The following MED13L variants were observed in gnomAD, a reference collection of about 807,000 sequenced individuals.
MED13L encodes the protein mediator complex subunit 13L.
Under a neutral mutation model 220.9 loss-of-function variants are expected in MED13L, and 7 were observed. The ratio of observed to expected loss-of-function variants is 0.03; its 90% CI spans 0.02 to 0.06. MED13L has a LOEUF of 0.06. MED13L is among the 10% of genes least tolerant of loss of function. The probability of loss-of-function intolerance (pLI) is 1.00; values close to 1 mark genes in which losing one functional copy is unlikely to be tolerated. For synonymous variants in MED13L, 1,011 were observed against 1,015.2 expected, an observed-to-expected ratio of 1.00 and a Z score of 0.08; for missense variants, 1,965 against 2,760.5, an observed-to-expected ratio of 0.71 and a Z score of 6.46.
intron 4 of MED13L, among the ~76,000 whole-genome samples, chr12:116,077,270 T>C (rs1048225317): frequency 7.9e-5 from 12 of 152,240 alleles, no homozygotes; most frequent in African/African-American, 2.7e-4. Flanking sequence ...TTCATAATAA[T>C]ACTGAGTTCC....
chr12:116,207,189 T>A (rs1157236142), intron 2 of MED13L, among the ~76,000 whole-genome samples: 1 of 151,716 alleles, frequency 6.6e-6, no homozygotes, highest in African/African-American at 2.4e-5. Flanking sequence ...TTTACAGAGA[T>A]GGGGTCTCCC....
chr12:116,171,351 T>C (rs1032020263), intron 2 of MED13L, among the ~76,000 whole-genome samples: 2 of 152,204 alleles, frequency 1.3e-5, no homozygotes, highest in African/African-American at 4.8e-5. Context: ...AGGCAATGGA[T>C]TTATGCAGCC....
chr12:116,213,887 C>T (rs1001452170), intron 2 of MED13L, among the ~76,000 whole-genome samples: 6 of 152,162 alleles, frequency 3.9e-5, no homozygotes, highest in Non-Finnish European at 8.8e-5. Flanking sequence ...CTGAGAAATG[C>T]TTTCTGAAAT....
chr12:116,148,304 T>C (rs1877726047), intron 2 of MED13L, among the ~76,000 whole-genome samples: 2 of 151,826 alleles, frequency 1.3e-5, no homozygotes, highest in Non-Finnish European at 2.9e-5. Context: ...AAAGCCAATA[T>C]TAAATACATT....
intron 2 of MED13L, among the ~76,000 whole-genome samples, chr12:116,228,069 C>T (rs1034702987): frequency 6.6e-6 from 1 of 152,128 alleles, no homozygotes; most frequent in Non-Finnish European, 1.5e-5. Context: ...AGCCACCATA[C>T]TCCCTTAAGT....
At chr12:116,133,369 G>C (rs1358835530) in intron 2 of MED13L, among the ~76,000 whole-genome samples, 3 of 152,102 alleles carry the variant, frequency 2.0e-5, no homozygotes, top group Admixed American at 6.5e-5. Flanking sequence ...ATGTTAAGAG[G>C]AGCAACAGGA....
intron 2 of MED13L, among the ~76,000 whole-genome samples, chr12:116,126,428 C>G (rs779781560): frequency 4.6e-5 from 7 of 152,142 alleles, no homozygotes; most frequent in Non-Finnish European, 1.0e-4. Context: ...GTGGTTTCTT[C>G]CTGTGGTCCT....
At chr12:116,210,257 G>A (rs1882604923) in intron 2 of MED13L, among the ~76,000 whole-genome samples, 1 of 152,072 alleles carries the variant, frequency 6.6e-6, no homozygotes, top group Admixed American at 6.6e-5. Flanking sequence ...ATCATTGCAG[G>A]ACGGAGTATC....
intron 4 of MED13L, among the ~76,000 whole-genome samples, chr12:116,037,885 T>A (rs1252663542): frequency 6.6e-6 from 1 of 152,158 alleles, no homozygotes. Context: ...TAATATAATT[T>A]TCAAGATGCC....
At chr12:116,238,077 A>C (rs1222620760) in intron 1 of MED13L, among the ~76,000 whole-genome samples, 1 of 152,250 alleles carries the variant, frequency 6.6e-6, no homozygotes, top group Admixed American at 6.5e-5. Context: ...TAAGATTTTA[A>C]AAATAAGTTT....
chr12:116,054,180 AT>A (rs1868746476), intron 4 of MED13L, among the ~76,000 whole-genome samples: 1 of 151,428 alleles, frequency 6.6e-6, no homozygotes, highest in African/African-American at 2.4e-5. Context: ...ACTTAGAGTA[AT>A]TTAACAACTA....
intron 4 of MED13L, among the ~76,000 whole-genome samples, chr12:116,058,435 G>C (rs921903146): frequency 6.6e-6 from 1 of 152,106 alleles, no homozygotes; most frequent in African/African-American, 2.4e-5. Context: ...TGATGAGTCT[G>C]TATACATACA....
chr12:116,028,777 G>A (rs1041619474), intron 4 of MED13L, among the ~76,000 whole-genome samples: 6 of 152,070 alleles, frequency 3.9e-5, no homozygotes, highest in African/African-American at 1.2e-4. Flanking sequence ...AGTATTCCAC[G>A]CCTTCTCAAC....
chr12:116,277,106 G>A lies in MED13L; in HGVS notation c.26C>T (p.Ala9Val). 6.3e-7 allele frequency: 1 copy of A among 1,589,068 alleles called. No individual in the cohort carries two copies. Among genetic ancestry groups the A allele is most frequent in the African/African-American group, 1.3e-5 (1 of 74,528 alleles). The change falls in exon 1 of 31, where the codon GCG becomes GTG. Residue 9 changes from alanine (A) to valine (V), a missense_variant. By Grantham distance (64) the Ala-to-Val change is moderately conservative. Coordinates refer to ENST00000281928, the MANE Select transcript of MED13L (RefSeq NM_015335.5). MTAAANWV[A>V]NGASLEDCHS... The stretch of plus-strand genomic sequence containing the variant: ...ACAATCCTCCAGGCTCGCCCCGTTC[G>A]CCACCCAGTTCGCTGCCGCAGTCAT...
chr12:116,271,890 T>C (rs1268797954), intron 1 of MED13L, among the ~76,000 whole-genome samples: 1 of 152,046 alleles, frequency 6.6e-6, no homozygotes, highest in Non-Finnish European at 1.5e-5. Flanking sequence ...AATGTATCAT[T>C]CACTTTCAAA....
At chr12:116,239,589 G>A (rs918913894) in intron 1 of MED13L, among the ~76,000 whole-genome samples, 11 of 151,990 alleles carry the variant, frequency 7.2e-5, no homozygotes, top group Non-Finnish European at 1.3e-4. Context: ...CATACCAACT[G>A]GACAATCTTC....
intron 4 of MED13L, among the ~76,000 whole-genome samples, chr12:116,035,393 TA>T (rs1295713103): frequency 6.6e-6 from 1 of 152,162 alleles, no homozygotes; most frequent in African/African-American, 2.4e-5. Context: ...ATACTGTTTG[TA>T]AACTATGCAA....
At chr12:115,980,093 A>C (rs1438341752) in intron 23 of MED13L, among the ~76,000 whole-genome samples, 3 of 152,202 alleles carry the variant, frequency 2.0e-5, no homozygotes, top group Non-Finnish European at 4.4e-5. Context: ...CAGGATACAG[A>C]CCAGAGCTGG....
At chr12:116,002,948 A>G (rs140319345) in intron 14 of MED13L, 55 bp downstream of exon 14, 187 of 1,319,856 alleles carry the variant, frequency 1.4e-4, no homozygotes, top group Non-Finnish European at 1.9e-4. Flanking sequence ...TGAGAATATT[A>G]TATCTAAGTT....
Sources: allele counts gnomAD v4.1 joint callset (sites outside exome capture counted in the v4.1 genomes callset), GRCh38; gene constraint gnomAD v4.1.1; transcripts MANE v1.5; gene names NCBI Gene and HGNC (gene_info 2026-07-23, HGNC 2026-07-21).